Variants in XIRP2 observed in about 807,000 individuals in gnomAD.
XIRP2 encodes xin actin-binding repeat-containing protein 2.
In XIRP2, 236 loss-of-function variants were observed where a neutral mutation model predicts 277.0. The observed-to-expected ratio is 0.85, with a 90% CI of 0.77 to 0.95. XIRP2 has a LOEUF of 0.95. Among genes scored for constraint, XIRP2 ranks in the 40% least tolerant of loss-of-function variants. The pLI is 0.00. For missense variants in XIRP2, 4,640 were observed against 4,157.5 expected, an observed-to-expected ratio of 1.12 and a Z score of -3.19; for synonymous variants, 1,490 against 1,416.5, an observed-to-expected ratio of 1.05 and a Z score of -1.17.
chr2:166,941,403 G>A (rs1828479), intron 2 of XIRP2, among the ~76,000 whole-genome samples: 45,364 of 152,112 alleles, frequency 0.3, 7,345 homozygotes, highest in East Asian at 0.53. Flanking sequence ...CAGGTAAGGC[G>A]ATGCCTCGCC....
rs1219269805 is a variant in XIRP2, at chr2:167,242,599, C to G, written c.1207C>G (p.Pro403Ala). ...AAGTGAATATGAAGAGACTTTCAAGCCATCATCAGTTGTGAGTACCTCTTC... is the reference window on the plus strand; with the variant it reads ...AAGTGAATATGAAGAGACTTTCAAGGCATCATCAGTTGTGAGTACCTCTTC... ...TESEYEETFK[P>A]SSVVSTSSTS... The change falls in exon 9 of 11, where the codon CCA becomes GCA. Residue 403 changes from proline (P) to alanine (A), a missense_variant. By Grantham distance (27) the Pro-to-Ala change is conservative. Coordinates refer to ENST00000409195, the MANE Select transcript of XIRP2 (RefSeq NM_152381.6). The G allele has an allele frequency of 1.2e-6, 2 of 1,613,082 alleles. No individual in the cohort carries two copies. Among genetic ancestry groups the G allele is most frequent in the African/African-American group, 2.7e-5 (2 of 74,890 alleles).
rs1693507456 is a variant in XIRP2, at chr2:167,196,343, T to G, written c.563-14392T>G. Among the ~76,000 whole-genome samples, 5 of 151,664 alleles carry G rather than the reference T, an allele frequency of 3.3e-5. 1 individual carries two copies. The South Asian group carries it at 1.0e-3, about 32-fold the overall frequency. ...AAGCTGAGATCTGATGGAGTGTGTG[T>G]GGTAAGACAAAAAAAGGAAGACTGG... is the stretch of plus-strand genomic sequence containing the variant. On this transcript the variant is annotated intron_variant, in intron 3 of 10. Transcript: ENST00000409195.
chr2:167,240,200 T>C (rs1695017723), intron 6 of XIRP2, among the ~76,000 whole-genome samples: 1 of 151,848 alleles, frequency 6.6e-6, no homozygotes, highest in Non-Finnish European at 1.5e-5. Flanking sequence ...GATCATGAGG[T>C]CAGGTGTTCA....
At chr2:167,177,181 G>A (rs941116042) in intron 3 of XIRP2, among the ~76,000 whole-genome samples, 5 of 152,110 alleles carry the variant, frequency 3.3e-5, no homozygotes, top group African/African-American at 7.2e-5. Context: ...TACATCTATG[G>A]TAGCTTCCTC....
rs182763441 is a variant in XIRP2, at chr2:167,190,551, C to T, written c.563-20184C>T. ...ATGGTCTTCTCCTTTGACATGATAC[C>T]TATGAATTCCAGAGTAAAAATTTCT... On this transcript the variant is annotated intron_variant, in intron 3 of 10. Transcript: ENST00000409195. Among the ~76,000 whole-genome samples the T allele has an allele frequency of 8.7e-4, 132 of 152,226 alleles. 1 individual carries two copies. The highest frequency in any genetic ancestry group is 1.1e-3 in the Non-Finnish European group (74 of 68,030).
At position 167,210,861 on chromosome 2, in the gene XIRP2, T is replaced by G; in HGVS notation, c.689T>G (p.Val230Gly). 2.5e-6 allele frequency: 4 copies of G among 1,614,126 alleles called. No homozygotes were observed. The South Asian group carries it at 4.4e-5, about 18-fold the overall frequency. The change falls in exon 4 of 11, where the codon GTT (valine) becomes GGT (glycine). Residue 230 changes from valine (V) to glycine (G), a missense_variant. Physicochemically the swap from Val to Gly is moderately radical, Grantham distance 109 (BLOSUM62 -3). Transcript: ENST00000409195. ...KERMARYQAAVSRGDCRSFSA... is the reference protein window; with the variant it reads ...KERMARYQAAGSRGDCRSFSA... Reference sequence around the variant, plus strand: ...CGGATGGCGAGGTACCAGGCAGCTGTTTCCAGGGGTGACTGCCGCAGCTTC... The same window carrying G: ...CGGATGGCGAGGTACCAGGCAGCTGGTTCCAGGGGTGACTGCCGCAGCTTC...
At chr2:167,211,180 C>T (rs1694031447) in intron 4 of XIRP2, among the ~76,000 whole-genome samples, 1 of 152,136 alleles carries the variant, frequency 6.6e-6, no homozygotes, top group Non-Finnish European at 1.5e-5. Context: ...TCTCGGCACC[C>T]TCCACCTCCT....
At chr2:167,088,794 C>T (rs932325533) in intron 2 of XIRP2, among the ~76,000 whole-genome samples, 25 of 152,174 alleles carry the variant, frequency 1.6e-4, no homozygotes, top group African/African-American at 5.8e-4. Flanking sequence ...CCAGATAACT[C>T]TTATTCATCT....
At chr2:166,976,497 T>C (rs753540750) in intron 2 of XIRP2, among the ~76,000 whole-genome samples, 2 of 152,242 alleles carry the variant, frequency 1.3e-5, no homozygotes, top group Non-Finnish European at 2.9e-5. Flanking sequence ...TAATGTTTAC[T>C]GGAGTAGTCA....
chr2:167,141,103 G>C (rs1458587752), intron 3 of XIRP2: 2 of 151,972 alleles, frequency 1.3e-5, no homozygotes, highest in African/African-American at 4.8e-5. Context: ...TAAAACATGA[G>C]GCCATTGAAG....
At chr2:167,055,025 G>T (rs1056783216) in intron 2 of XIRP2, among the ~76,000 whole-genome samples, 2 of 152,134 alleles carry the variant, frequency 1.3e-5, no homozygotes, top group African/African-American at 4.8e-5. Flanking sequence ...TAGCTGTAGG[G>T]TTCTTCTGCT....
chr2:167,016,088 A>G lies in XIRP2; in HGVS notation c.408+112198A>G, dbSNP rs181807329. ...CAAGTTCACGTATTCATGTAAAGCA[A>G]TATTCTTTGTTCAAATAAATTCAGA... On this transcript the variant is annotated intron_variant, in intron 2 of 10. Coordinates refer to ENST00000409195, the MANE Select transcript of XIRP2 (RefSeq NM_152381.6). Among the ~76,000 whole-genome samples, 430 of 151,686 alleles carry G rather than the reference A, an allele frequency of 2.8e-3. 4 individuals carry two copies. The highest frequency in any genetic ancestry group is 9.8e-3 in the African/African-American group (407 of 41,424).
chr2:167,084,774 G>A (rs996437124), intron 2 of XIRP2, among the ~76,000 whole-genome samples: 1 of 149,702 alleles, frequency 6.7e-6, no homozygotes, highest in African/African-American at 2.4e-5. Flanking sequence ...ATTTCTGTGG[G>A]ATCGGTGGTG....
At chr2:167,116,814 G>T (rs1162114793) in intron 2 of XIRP2, among the ~76,000 whole-genome samples, 1 of 152,162 alleles carries the variant, frequency 6.6e-6, no homozygotes, top group Admixed American at 6.5e-5. Flanking sequence ...TTTGATTTCT[G>T]TCAGCAGAAG....
At chr2:167,178,451 C>T (rs905488099) in intron 3 of XIRP2, among the ~76,000 whole-genome samples, 1 of 152,070 alleles carries the variant, frequency 6.6e-6, no homozygotes, top group Admixed American at 6.5e-5. Flanking sequence ...AGTTGGGTTT[C>T]CAAAGGCTGT....
chr2:167,037,858 ATAT>A (rs1203172923), intron 2 of XIRP2, among the ~76,000 whole-genome samples: 1 of 152,038 alleles, frequency 6.6e-6, no homozygotes, highest in Non-Finnish European at 1.5e-5. Context: ...TTATACTAAA[ATAT>A]TAGGCATTTT....
chr2:167,019,503 G>T (rs1293700107), intron 2 of XIRP2, among the ~76,000 whole-genome samples: 2 of 151,952 alleles, frequency 1.3e-5, no homozygotes, highest in Non-Finnish European at 1.5e-5. Context: ...CACTGTGGTT[G>T]TCAAGAATTT....
intron 10 of XIRP2, 128 bp downstream of exon 10, chr2:167,254,293 G>A (rs1695601412): frequency 1.8e-6 from 2 of 1,142,564 alleles, no homozygotes; most frequent in South Asian, 5.7e-5. Flanking sequence ...ACCACACAGG[G>A]AGATTTGCTC....
At chr2:167,094,714 C>T (rs934812317) in intron 2 of XIRP2, among the ~76,000 whole-genome samples, 2 of 152,180 alleles carry the variant, frequency 1.3e-5, no homozygotes, top group Non-Finnish European at 2.9e-5. Context: ...GTTTTGGTTA[C>T]TGTGGCCTTG....
Sources: gnomAD v4.1 joint callset for allele counts (sites outside exome capture counted in the v4.1 genomes callset) on GRCh38, gnomAD v4.1.1 for gene constraint, MANE v1.5 for transcripts, NCBI Gene and HGNC (gene_info 2026-07-23, HGNC 2026-07-21) for gene names.